MAF: variants seen among roughly 807,000 people sequenced by gnomAD.
MAF encodes transcription factor Maf.
A neutral mutation model predicts 22.0 loss-of-function variants in MAF; 10 were observed. The observed-to-expected ratio is 0.45, with a 90% CI of 0.28 to 0.77. The LOEUF (loss-of-function observed/expected upper bound fraction) is 0.77. Ranked by LOEUF, MAF falls within the 30% of genes least tolerant of loss-of-function variation. MAF has a pLI of 0.12. For synonymous variants in MAF, 337 were observed against 255.8 expected (o/e 1.32, Z -3.03); for missense variants, 544 against 548.4 (o/e 0.99, Z 0.08).
chr16:79,260,997 C>T, the MAF span, among the ~76,000 whole-genome samples: 623 of 151,824 alleles, frequency 4.1e-3, 5 homozygotes, highest in African/African-American at 0.014. Context: ...GGAGAGGAGG[C>T]TGTTCCATTG....
At chr16:79,384,713 C>T in the MAF span, among the ~76,000 whole-genome samples, 9 of 152,114 alleles carry the variant, frequency 5.9e-5, no homozygotes, top group East Asian at 1.9e-4. Context: ...GCCAAGACCA[C>T]GCCACTGCAC....
the MAF span, among the ~76,000 whole-genome samples, chr16:79,517,843 G>C: frequency 6.6e-6 from 1 of 152,110 alleles, no homozygotes. Flanking sequence ...CCAAAGTGCT[G>C]GAATTACAGG....
chr16:79,469,146 A>G, the MAF span, among the ~76,000 whole-genome samples: 3 of 152,272 alleles, frequency 2.0e-5, no homozygotes, highest in African/African-American at 4.8e-5. Flanking sequence ...AGCCCCATCC[A>G]GCCCACTGCC....
chr16:79,547,209 A>AC, the MAF span, among the ~76,000 whole-genome samples: 1 of 151,946 alleles, frequency 6.6e-6, no homozygotes, highest in South Asian at 2.1e-4. Flanking sequence ...CTCCATGCAC[A>AC]CCCCTACACA....
the MAF span, among the ~76,000 whole-genome samples, chr16:79,522,835 C>T: frequency 2.6e-5 from 4 of 152,164 alleles, no homozygotes; most frequent in South Asian, 2.1e-4. Flanking sequence ...TGTAAATGCT[C>T]GGAGCTCCTT....
At chr16:79,490,310 T>A in the MAF span, among the ~76,000 whole-genome samples, 2 of 152,104 alleles carry the variant, frequency 1.3e-5, no homozygotes, top group South Asian at 4.1e-4. Flanking sequence ...GAGGCAGGAA[T>A]AAAAACATCA....
At chr16:79,529,196 A>G in the MAF span, among the ~76,000 whole-genome samples, 1 of 152,140 alleles carries the variant, frequency 6.6e-6, no homozygotes, top group Non-Finnish European at 1.5e-5. Context: ...AGAGTTTCCA[A>G]ACTCCAGCTG....
the MAF span, among the ~76,000 whole-genome samples, chr16:79,526,830 C>T: frequency 1.2e-4 from 17 of 145,804 alleles, no homozygotes; most frequent in African/African-American, 2.2e-4. Context: ...TTCAATATTA[C>T]GATACATGCA....
the MAF span, among the ~76,000 whole-genome samples, chr16:79,385,087 T>C: frequency 2.6e-5 from 4 of 152,310 alleles, no homozygotes; most frequent in South Asian, 4.1e-4. Context: ...CCTAGGGAGA[T>C]TGCTAGACAT....
the MAF span, among the ~76,000 whole-genome samples, chr16:79,240,527 G>T: frequency 2.5e-4 from 19 of 75,724 alleles, no homozygotes; most frequent in Non-Finnish European, 3.3e-4. Flanking sequence ...AAAAAAAAAA[G>T]GGCAGCAGCC....
At chr16:79,396,268 A>G in the MAF span, among the ~76,000 whole-genome samples, 1 of 152,192 alleles carries the variant, frequency 6.6e-6, no homozygotes, top group Admixed American at 6.5e-5. Context: ...CCAGTTCCAC[A>G]TGGACCAAGC....
At chr16:79,405,539 C>G in the MAF span, among the ~76,000 whole-genome samples, 1 of 152,128 alleles carries the variant, frequency 6.6e-6, no homozygotes, top group Non-Finnish European at 1.5e-5. Context: ...CTCTCTTGTC[C>G]CAGGGAGGAA....
the MAF span, among the ~76,000 whole-genome samples, chr16:79,389,400 A>G: frequency 2.6e-5 from 4 of 152,124 alleles, no homozygotes; most frequent in Non-Finnish European, 1.5e-5. Flanking sequence ...CTGGGATTAC[A>G]GGCACCTGCC....
the MAF span, among the ~76,000 whole-genome samples, chr16:79,298,695 A>T: frequency 6.6e-6 from 1 of 152,212 alleles, no homozygotes; most frequent in African/African-American, 2.4e-5. Context: ...GGTGGCATGG[A>T]GCTGGGCGTA....
chr16:79,321,854 T>A, the MAF span, among the ~76,000 whole-genome samples: 3 of 151,970 alleles, frequency 2.0e-5, no homozygotes, highest in East Asian at 5.9e-4. Context: ...CGTGCCCGGC[T>A]GACAGGGTGT....
At chr16:79,277,814 G>C in the MAF span, among the ~76,000 whole-genome samples, 1 of 152,142 alleles carries the variant, frequency 6.6e-6, no homozygotes, top group African/African-American at 2.4e-5. Context: ...CCAATAATTT[G>C]GAAGTGAGGA....
At chr16:79,595,140 G>T in intron 1 of MAF, 1 of 998,830 alleles carries the variant, frequency 1.0e-6, no homozygotes, top group Non-Finnish European at 1.2e-6. Context: ...AAAAAAAAAA[G>T]GAAAGAAATA....
At chr16:79,340,497 A>G in the MAF span, among the ~76,000 whole-genome samples, 6 of 151,406 alleles carry the variant, frequency 4.0e-5, no homozygotes, top group African/African-American at 1.5e-4. Context: ...CCTTTCTGGA[A>G]TTTGCATTCT....
At chr16:79,449,733 A>G in the MAF span, among the ~76,000 whole-genome samples, 4 of 152,270 alleles carry the variant, frequency 2.6e-5, no homozygotes, top group African/African-American at 9.6e-5. Flanking sequence ...TGTGTAAAAT[A>G]GCAGTCGTTT....
Sources: allele counts gnomAD v4.1 joint callset (sites outside exome capture counted in the v4.1 genomes callset), GRCh38; gene constraint gnomAD v4.1.1; transcripts MANE v1.5; gene names NCBI Gene and HGNC (gene_info 2026-07-23, HGNC 2026-07-21).